Variants in FAM193B observed in about 807,000 individuals in gnomAD.
The protein encoded by FAM193B is protein FAM193B.
Under a neutral mutation model 70.7 loss-of-function variants are expected in FAM193B, and 27 were observed. The observed-to-expected ratio is 0.38, with a 90% confidence interval of 0.28 to 0.53. The LOEUF (loss-of-function observed/expected upper bound fraction) is 0.53, where lower values mean the gene tolerates loss of function less well. Among genes scored for constraint, FAM193B ranks in the 20% least tolerant of loss-of-function variants. The pLI is 0.81. For synonymous variants in FAM193B, 448 were observed against 436.0 expected, an observed-to-expected ratio of 1.03 and a Z score of -0.34; for missense variants, 1,022 against 1,072.5, an observed-to-expected ratio of 0.95 and a Z score of 0.66.
chr5:177,549,942 AAC>A (rs1765983204), intron 1 of FAM193B, among the ~76,000 whole-genome samples: 2 of 152,238 alleles, frequency 1.3e-5, no homozygotes, highest in Non-Finnish European at 2.9e-5. Flanking sequence ...AATAAATTAA[AAC>A]ATAGACCCTG....
At chr5:177,525,773 G>A (rs1762499778) in intron 5 of FAM193B, among the ~76,000 whole-genome samples, 1 of 152,248 alleles carries the variant, frequency 6.6e-6, no homozygotes, top group Non-Finnish European at 1.5e-5. Flanking sequence ...GGCATACCAT[G>A]GACAAACACA....
intron 5 of FAM193B, chr5:177,531,728 G>A: frequency 1.6e-6 from 1 of 616,104 alleles, no homozygotes; most frequent in South Asian, 2.0e-5. Flanking sequence ...GGGCAGAGCT[G>A]GGCAAACACT....
At chr5:177,553,432 A>G (rs1324633853) in intron 1 of FAM193B, 2 of 1,061,658 alleles carry the variant, frequency 1.9e-6, no homozygotes, top group Non-Finnish European at 2.3e-6. Flanking sequence ...CCCGAGTGCC[A>G]CAACCCTCCC....
intron 4 of FAM193B, among the ~76,000 whole-genome samples, chr5:177,535,753 C>A (rs78116855): frequency 2.6e-5 from 4 of 151,982 alleles, no homozygotes; most frequent in African/African-American, 9.7e-5. Flanking sequence ...TACTACTACA[C>A]GAAAGGTATA....
chr5:177,547,135 T>C (rs1322892609), intron 1 of FAM193B: 1 of 152,176 alleles, frequency 6.6e-6, no homozygotes, highest in Admixed American at 6.5e-5. Flanking sequence ...TACAGAGTTG[T>C]GAGGACAGAA....
intron 4 of FAM193B, among the ~76,000 whole-genome samples, chr5:177,536,051 C>T (rs1280829453): frequency 6.6e-6 from 1 of 151,936 alleles, no homozygotes; most frequent in Non-Finnish European, 1.5e-5. Flanking sequence ...GCTAGGACTA[C>T]AGTTGCATGC....
chr5:177,524,531 G>T lies in FAM193B; in HGVS notation c.1950C>A (p.Ser650Arg). 6.2e-7 allele frequency: 1 copy of T among 1,612,004 alleles called. No individual in the cohort carries two copies. Among genetic ancestry groups the T allele is most frequent in the Non-Finnish European group, 8.5e-7 (1 of 1,179,334 alleles). The stretch of plus-strand genomic sequence containing the variant: ...GGCTGGCTGGGGGCCGGGGGGCTGG[G>T]CTTGCCTCGCTCTTCTTGGCCTGAC... ...QGSQAKKSEA[S>R]PAPRPPASLE... Residue 650 changes from serine to arginine, a missense_variant, in exon 6 of 9, where the codon AGC becomes AGA. Ser to Arg is a moderately radical substitution (Grantham distance 110). Coordinates refer to ENST00000514747, the MANE Select transcript of FAM193B (RefSeq NM_001190946.3).
intron 3 of FAM193B, 56 bp from the exon 4 acceptor site, chr5:177,536,801 A>G: frequency 1.3e-6 from 2 of 1,530,746 alleles, no homozygotes; most frequent in Non-Finnish European, 1.8e-6. Flanking sequence ...CTGGGAAGGA[A>G]AGCCCACAGG....
At position 177,532,138 on chromosome 5, in the gene FAM193B, T is replaced by G; in HGVS notation, c.1275+305A>C. On this transcript the variant is annotated intron_variant, in intron 5 of 8. Transcript: ENST00000514747. The surrounding 1 kb of genome is among the most constrained non-coding windows in gnomAD (Gnocchi z 4.9). ...CTCCCAAGCGTTCACTTCTCTGGGA[T>G]TACACACGTATACATACTCATCAGA... The G allele has an allele frequency of 7.3e-7, 1 of 1,374,152 alleles. No individual in the cohort carries two copies. Among genetic ancestry groups the G allele is most frequent in the Non-Finnish European group, 9.6e-7 (1 of 1,044,762 alleles). 85.1% of individuals were successfully genotyped at this position (1,374,152 alleles called of 1,614,324 possible).
Position 177,532,761 on chromosome 5 carries a change from G to A in FAM193B, c.1077-120C>T. 2.1e-6 allele frequency: 2 copies of A among 952,132 alleles called. No individual in the cohort carries two copies. Among genetic ancestry groups the A allele is most frequent in the Non-Finnish European group, 3.0e-6 (2 of 674,320 alleles). The allele number at this position is 952,132 out of a possible 1,614,324, so 59.0% of individuals were successfully genotyped here. ...CTTGCCCCACTCCACAGAGGTCCCA[G>A]GTGGTCCAACTACATTGCACCTCTC... On this transcript the variant is annotated intron_variant, in intron 4 of 8. Coordinates refer to ENST00000514747, the MANE Select transcript of FAM193B (RefSeq NM_001190946.3). The surrounding 1 kb of genome is among the most constrained non-coding windows in gnomAD (Gnocchi z 4.9).
rs1373137305 is a variant in FAM193B at position 177,532,243 on chromosome 5, C to A, written c.1275+200G>T. The A allele has an allele frequency of 2.0e-6, 3 of 1,493,130 alleles. No homozygotes were observed. The highest frequency in any genetic ancestry group is 2.7e-6 in the Non-Finnish European group (3 of 1,127,498). 92.5% of individuals were successfully genotyped at this position (1,493,130 alleles called of 1,614,324 possible). On this transcript the variant is annotated intron_variant, in intron 5 of 8. Coordinates refer to ENST00000514747, the MANE Select transcript of FAM193B (RefSeq NM_001190946.3). This position sits in a 1 kb window ranked among gnomAD's most constrained non-coding sequence, Gnocchi z 4.9. Reference sequence around the variant, plus strand: ...ATCTTAAGAGAAACCATGAGAAGAGCAAAGGTAGCAAAATGTTTAAAAACC... The same window carrying A: ...ATCTTAAGAGAAACCATGAGAAGAGAAAAGGTAGCAAAATGTTTAAAAACC...
chr5:177,522,199 G>C, intron 7 of FAM193B, 128 bp from the exon 8 acceptor site: 1 of 722,482 alleles, frequency 1.4e-6, no homozygotes. Context: ...TGGCTCTCAG[G>C]TGCTAGGGTT....
At chr5:177,546,879 G>A (rs163196) in intron 1 of FAM193B, among the ~76,000 whole-genome samples, 118 of 152,206 alleles carry the variant, frequency 7.8e-4, no homozygotes, top group African/African-American at 2.7e-3. Flanking sequence ...CTGCCTCCTG[G>A]GTGCAATGAG....
chr5:177,543,431 A>G (rs987766328), intron 1 of FAM193B, among the ~76,000 whole-genome samples: 3 of 152,210 alleles, frequency 2.0e-5, no homozygotes, highest in African/African-American at 7.2e-5. Context: ...TTCTAAGTCT[A>G]CATTGAAGAC....
intron 1 of FAM193B, chr5:177,553,820 G>C (rs1766645913): frequency 2.3e-6 from 3 of 1,285,510 alleles, no homozygotes; most frequent in Non-Finnish European, 3.0e-6. Context: ...GGACGGAGTG[G>C]AGCCGTTCCC....
At chr5:177,547,814 A>G (rs1394168346) in intron 1 of FAM193B, among the ~76,000 whole-genome samples, 1 of 152,198 alleles carries the variant, frequency 6.6e-6, no homozygotes, top group East Asian at 1.9e-4. Context: ...GGAGGGGGAA[A>G]TAATAAAGGG....
Position 177,538,070 on chromosome 5 carries a change from C to A in FAM193B, c.491G>T (p.Cys164Phe), listed in dbSNP as rs1392440279. The A allele has an allele frequency of 7.7e-6, 12 of 1,550,850 alleles. No homozygotes were observed. The East Asian group carries it at 2.9e-4, about 38-fold the overall frequency. ...LSHTSCKSQS[C>F]GDDSHSSSSS... ...CGAGGACGAATGAGAGTCATCTCCA[C>A]AAGACTGTGATTTGCAGGATGTGTG... is the stretch of plus-strand genomic sequence containing the variant. The change falls in exon 3 of 9, where the codon TGT becomes TTT. Residue 164 changes from cysteine to phenylalanine, a missense_variant. By Grantham distance (205) the Cys-to-Phe change is radical (BLOSUM62 -2). Coordinates refer to ENST00000514747, the MANE Select transcript of FAM193B (RefSeq NM_001190946.3). The surrounding 1 kb of genome is among the most constrained non-coding windows in gnomAD (Gnocchi z 4.1).
intron 1 of FAM193B, chr5:177,552,278 A>G (rs1267658936): frequency 6.4e-6 from 1 of 155,260 alleles, no homozygotes. Context: ...TCAATGGTCA[A>G]TTCATCATAT....
At chr5:177,553,644 G>A (rs1260693764) in intron 1 of FAM193B, 3 of 1,273,354 alleles carry the variant, frequency 2.4e-6, no homozygotes, top group Admixed American at 2.4e-5. Context: ...GCGGAGCAGG[G>A]GAGGGAAGAA....
Sources: allele counts gnomAD v4.1 joint callset (sites outside exome capture counted in the v4.1 genomes callset), GRCh38; gene constraint gnomAD v4.1.1; non-coding constraint Gnocchi (gnomAD v3.1); transcripts MANE v1.5; gene names NCBI Gene and HGNC (gene_info 2026-07-23, HGNC 2026-07-21).